CELF5: variants seen among roughly 807,000 people sequenced by gnomAD.
CELF5 encodes the protein CUG-BP and ETR-3 like factor 5.
CELF5 carries 6 observed loss-of-function variants against 54.9 expected under a neutral mutation model. The ratio of observed to expected loss-of-function variants is 0.11; its 90% CI spans 0.06 to 0.22. CELF5 has a LOEUF of 0.22. Ranked by LOEUF, CELF5 falls within the 10% of genes least tolerant of loss-of-function variation. CELF5 has a pLI of 1.00. For synonymous variants in CELF5, 271 were observed against 290.9 expected (o/e 0.93, Z 0.70); for missense variants, 401 against 678.6 (o/e 0.59, Z 4.54).
At position 3,275,188 on chromosome 19, in the gene CELF5, G is replaced by C. The variant is rs1317825916; in HGVS notation, c.395-668G>C. ...ACCAGGGAGCATGCAGTTACCCAAG[G>C]GGGCAGAGCTCACACAGGAGAGGCT... On this transcript the variant is annotated intron_variant, in intron 3 of 12. Coordinates refer to ENST00000292672, the MANE Select transcript of CELF5 (RefSeq NM_021938.4). This position sits in a 1 kb window ranked among gnomAD's most constrained non-coding sequence, Gnocchi z 6.7. 1.3e-5 allele frequency among the ~76,000 whole-genome samples: 2 copies of C among 152,136 alleles called. No individual in the cohort carries two copies. The highest frequency in any genetic ancestry group is 2.9e-5 in the Non-Finnish European group (2 of 68,022).
chr19:3,234,318 C>T (rs1044608392), intron 1 of CELF5, among the ~76,000 whole-genome samples: 11 of 152,098 alleles, frequency 7.2e-5, no homozygotes, highest in African/African-American at 2.4e-4. Context: ...AGGCTGGTCT[C>T]AAACTCCTGG....
chr19:3,280,121 C>G (rs1404736252), intron 5 of CELF5, among the ~76,000 whole-genome samples: 1 of 152,234 alleles, frequency 6.6e-6, no homozygotes, highest in African/African-American at 2.4e-5. Context: ...TGGATTTCAG[C>G]CCAGCCCTGT....
At chr19:3,284,137 C>CA (rs11426155) in intron 8 of CELF5, among the ~76,000 whole-genome samples, 82,401 of 151,418 alleles carry the variant, frequency 0.54, 23,700 homozygotes, top group Middle Eastern at 0.69. Context: ...TGTGAGCCAC[C>CA]ACACCCAGCT....
chr19:3,227,616 G>T lies in CELF5; in HGVS notation c.259+2618G>T, dbSNP rs572311466. Reference sequence around the variant, plus strand: ...GGCTCCTGGTACAAGCCCGGAGGGGGTCAGCTGGTACCACCTCTAGCCCTT... The same window carrying T: ...GGCTCCTGGTACAAGCCCGGAGGGGTTCAGCTGGTACCACCTCTAGCCCTT... On this transcript the variant is annotated intron_variant, in intron 1 of 12. Transcript: ENST00000292672. Among the ~76,000 whole-genome samples the T allele has an allele frequency of 1.6e-3, 238 of 152,200 alleles. 1 individual carries two copies. The highest frequency in any genetic ancestry group is 2.7e-3 in the Non-Finnish European group (183 of 67,984).
At chr19:3,244,932 T>C (rs1004255440) in intron 1 of CELF5, among the ~76,000 whole-genome samples, 4 of 146,752 alleles carry the variant, frequency 2.7e-5, no homozygotes, top group Non-Finnish European at 4.5e-5. Flanking sequence ...TGTACGTGTG[T>C]GTGTGGTGTG....
Position 3,281,259 on chromosome 19 carries a change from C to A in CELF5, c.664C>A (p.Arg222Ser). The A allele has an allele frequency of 6.2e-7, 1 of 1,611,314 alleles. No individual in the cohort carries two copies. The change falls in exon 6 of 13, where the codon CGC becomes AGC. Residue 222 changes from arginine to serine, a missense_variant. Arg to Ser is a moderately radical substitution (Grantham distance 110). This residue lies in a region of CELF5 where 87 missense variants were observed against 190.2 expected (regional missense o/e 0.46). Coordinates refer to ENST00000292672, the MANE Select transcript of CELF5 (RefSeq NM_021938.4). This position sits in a 1 kb window ranked among gnomAD's most constrained non-coding sequence, Gnocchi z 6.5. The stretch of plus-strand genomic sequence containing the variant: ...CACGGACAAGGAGCGGACGCTCCGG[C>A]GCATGCAGCAGATGGTGGGCCAGCT... ...ADTDKERTLR[R>S]MQQMVGQLGI...
intron 2 of CELF5, among the ~76,000 whole-genome samples, chr19:3,257,723 G>T (rs1228009263): frequency 6.6e-6 from 1 of 151,794 alleles, no homozygotes. Flanking sequence ...TGATCCGCCT[G>T]CCTCGGACTC....
intron 2 of CELF5, among the ~76,000 whole-genome samples, chr19:3,251,672 T>TG (rs755978616): frequency 0.06 from 7,272 of 121,312 alleles, 268 homozygotes; most frequent in Middle Eastern, 0.11. Flanking sequence ...TTTTTTTTTT[T>TG]TTGTTGTTGT....
chr19:3,253,242 C>T (rs1314522537), intron 2 of CELF5, among the ~76,000 whole-genome samples: 1 of 152,170 alleles, frequency 6.6e-6, no homozygotes, highest in Non-Finnish European at 1.5e-5. Context: ...TTTATTGCTG[C>T]ATAACAAATT....
rs771816171 is a variant in CELF5 at position 3,281,800 on chromosome 19, C to T, written c.751-326C>T. ...CTCAGTCTGAGCCTCACTTCCTAACCGAGCCTTGATCCTAGATTGAGCCTT... is the reference window on the plus strand; with the variant it reads ...CTCAGTCTGAGCCTCACTTCCTAACTGAGCCTTGATCCTAGATTGAGCCTT... On this transcript the variant is annotated intron_variant, in intron 6 of 12. Coordinates refer to ENST00000292672, the MANE Select transcript of CELF5 (RefSeq NM_021938.4). The surrounding 1 kb of genome is among the most constrained non-coding windows in gnomAD (Gnocchi z 6.5). Among the ~76,000 whole-genome samples the T allele has an allele frequency of 2.6e-5, 4 of 151,950 alleles. No homozygotes were observed. The highest frequency in any genetic ancestry group is 4.8e-5 in the African/African-American group (2 of 41,364).
intron 1 of CELF5, among the ~76,000 whole-genome samples, chr19:3,244,218 C>T (rs4807430): frequency 0.11 from 16,618 of 151,862 alleles, 993 homozygotes; most frequent in East Asian, 0.26. Context: ...AGCGTCAGGG[C>T]GGGCTTTTGT....
chr19:3,284,633 T>G (rs887151649), intron 8 of CELF5: 4 of 505,088 alleles, frequency 7.9e-6, no homozygotes, highest in Admixed American at 3.3e-5. Flanking sequence ...CGGGTCGGGA[T>G]AGGGAGAGGG....
rs2079914788 is a variant in CELF5, at chr19:3,268,547, G to C, written c.343-5325G>C. ...GGTGACTTCCCGTGCCAGGCACTGT[G>C]CCCGGCATGCTCTTGGCTGATGGGG... is the stretch of plus-strand genomic sequence containing the variant. On this transcript the variant is annotated intron_variant, in intron 2 of 12. Transcript: ENST00000292672. This position sits in a 1 kb window ranked among gnomAD's most constrained non-coding sequence, Gnocchi z 4.4. Among the ~76,000 whole-genome samples the C allele has an allele frequency of 6.6e-6, 1 of 152,170 alleles. No homozygotes were observed. Among genetic ancestry groups the C allele is most frequent in the Non-Finnish European group, 1.5e-5 (1 of 68,028 alleles).
intron 1 of CELF5, among the ~76,000 whole-genome samples, chr19:3,232,366 G>A (rs1312644662): frequency 6.6e-6 from 1 of 151,868 alleles, no homozygotes; most frequent in African/African-American, 2.4e-5. Flanking sequence ...ACCAGCCTGA[G>A]CAACACAGCT....
intron 1 of CELF5, among the ~76,000 whole-genome samples, chr19:3,233,409 A>G (rs1568328456): frequency 6.6e-6 from 1 of 152,206 alleles, no homozygotes; most frequent in African/African-American, 2.4e-5. Context: ...AAACAAATAA[A>G]GTTGAGATAG....
chr19:3,268,405 T>G lies in CELF5; in HGVS notation c.343-5467T>G. Among the ~76,000 whole-genome samples the G allele has an allele frequency of 6.6e-6, 1 of 152,002 alleles. No individual in the cohort carries two copies. The stretch of plus-strand genomic sequence containing the variant: ...AGGCACAGAATAAATGAATGAATAA[T>G]GAATAAATGAATGAACCATCCTGGG... On this transcript the variant is annotated intron_variant, in intron 2 of 12. Transcript: ENST00000292672. This position sits in a 1 kb window ranked among gnomAD's most constrained non-coding sequence, Gnocchi z 4.4.
intron 2 of CELF5, among the ~76,000 whole-genome samples, chr19:3,271,146 C>G (rs1042672717): frequency 2.2e-5 from 3 of 136,156 alleles, no homozygotes; most frequent in African/African-American, 8.2e-5. Context: ...CTCATCTGCC[C>G]AAGGTGCTGG....
intron 1 of CELF5, among the ~76,000 whole-genome samples, chr19:3,229,543 GGAGAT>G (rs1917146869): frequency 1.3e-5 from 2 of 152,310 alleles, no homozygotes; most frequent in Admixed American, 1.3e-4. Context: ...TTGAGAGCTT[GGAGAT>G]GAGATGAGTC....
chr19:3,248,906 C>CTTCCTTCCTT (rs1156318823), intron 1 of CELF5, among the ~76,000 whole-genome samples: 1 of 113,404 alleles, frequency 8.8e-6, no homozygotes, highest in Non-Finnish European at 1.8e-5. Flanking sequence ...TCCTTCCTTC[C>CTTCCTTCCTT]TTTCTTTCTT....
Sources: allele counts gnomAD v4.1 joint callset (sites outside exome capture counted in the v4.1 genomes callset), GRCh38; gene constraint gnomAD v4.1.1; regional missense constraint gnomAD v4.1.1; non-coding constraint Gnocchi (gnomAD v3.1); transcripts MANE v1.5; gene names NCBI Gene and HGNC (gene_info 2026-07-23, HGNC 2026-07-21).